Variants in GPLD1 observed in about 807,000 individuals in gnomAD.
The protein encoded by GPLD1 is glycosylphosphatidylinositol specific phospholipase D1.
In GPLD1, 84 loss-of-function variants were observed where a neutral mutation model predicts 112.6. The ratio of observed to expected loss-of-function variants is 0.75; its 90% CI spans 0.63 to 0.89. The LOEUF is 0.89. GPLD1 is among the 40% of genes least tolerant of loss of function. The pLI, the probability that GPLD1 is intolerant of heterozygous loss-of-function variation, is 0.00. For synonymous variants in GPLD1, 386 were observed against 403.8 expected, an observed-to-expected ratio of 0.96 and a Z score of 0.53; for missense variants, 1,044 against 1,051.5, an observed-to-expected ratio of 0.99 and a Z score of 0.10.
chr6:24,464,731 TCC>T (rs1210701183), intron 10 of GPLD1, among the ~76,000 whole-genome samples: 1 of 152,188 alleles, frequency 6.6e-6, no homozygotes, highest in African/African-American at 2.4e-5. Context: ...CAGGCACAGG[TCC>T]CGCCCAGAGA....
intron 3 of GPLD1, among the ~76,000 whole-genome samples, chr6:24,479,022 T>C (rs745493063): frequency 4.6e-5 from 7 of 152,068 alleles, no homozygotes; most frequent in Non-Finnish European, 8.8e-5. Context: ...ATTGCCTAAA[T>C]CCAAAGGGCA....
chr6:24,456,658 TAG>T (rs750550755), intron 12 of GPLD1, 21 bp from the exon 13 acceptor site: 1 of 1,561,020 alleles, frequency 6.4e-7, no homozygotes, highest in Non-Finnish European at 8.8e-7. Flanking sequence ...AGAATCATTA[TAG>T]ACAGTAAAGA....
intron 10 of GPLD1, among the ~76,000 whole-genome samples, chr6:24,463,057 G>A (rs915709092): frequency 4.6e-5 from 7 of 152,128 alleles, no homozygotes; most frequent in African/African-American, 1.7e-4. Flanking sequence ...TCCACCTGCT[G>A]AGCTGTTCCA....
At position 24,427,323 on chromosome 6, in the gene GPLD1, G is replaced by C. The variant is rs74806129; in HGVS notation, c.*1709C>G. 0.12 allele frequency among the ~76,000 whole-genome samples: 18,653 copies of C among 152,158 alleles called. 1,469 individuals carry two copies. Among genetic ancestry groups the C allele is most frequent in the East Asian group, 0.16 (816 of 5,180 alleles). ...TTTCCTCTCCGGCCCTTACAGTAGC[G>C]TGTGGCTCAGGCCACATCTTTTCCC... On this transcript the variant is annotated 3_prime_UTR_variant, in exon 25 of 25. Coordinates refer to ENST00000230036, the MANE Select transcript of GPLD1 (RefSeq NM_001503.4).
At chr6:24,453,667 ATACT>A (rs150364273) in intron 14 of GPLD1, among the ~76,000 whole-genome samples, 2,331 of 149,492 alleles carry the variant, frequency 0.016, 32 homozygotes, top group South Asian at 0.051. Flanking sequence ...TTAAAATAAA[ATACT>A]TACAAAGTTT....
At chr6:24,451,120 A>G (rs373069093) in intron 14 of GPLD1, among the ~76,000 whole-genome samples, 1 of 152,370 alleles carries the variant, frequency 6.6e-6, no homozygotes, top group East Asian at 1.9e-4. Context: ...TCAGTGCAGA[A>G]AGTCCTGTAG....
At chr6:24,445,889 T>C (rs1581742195) in intron 18 of GPLD1, 58 bp from the exon 19 acceptor site, 1 of 1,229,948 alleles carries the variant, frequency 8.1e-7, no homozygotes, top group Non-Finnish European at 1.2e-6. Flanking sequence ...GCTGGCCAGG[T>C]ACTCAGGAGC....
At chr6:24,468,921 C>T (rs1275353642) in intron 7 of GPLD1, among the ~76,000 whole-genome samples, 1 of 152,166 alleles carries the variant, frequency 6.6e-6, no homozygotes, top group East Asian at 1.9e-4. Context: ...ATGGGTGTGT[C>T]CTTAATCTTG....
chr6:24,462,849 AT>A, intron 10 of GPLD1, 54 bp from the exon 11 acceptor site: 1 of 1,294,786 alleles, frequency 7.7e-7, no homozygotes, highest in Non-Finnish European at 1.1e-6. Flanking sequence ...ACAAGCATGA[AT>A]TTTACCGAGA....
At chr6:24,493,260 G>A (rs1401730701), upstream of GPLD1, among the ~76,000 whole-genome samples, 2 of 152,150 alleles carry the variant, frequency 1.3e-5, no homozygotes, top group Non-Finnish European at 2.9e-5. Context: ...CGGATAACTT[G>A]AGGTCAGGCA....
intron 22 of GPLD1, 66 bp downstream of exon 22, chr6:24,436,510 G>T (rs1328641163): frequency 1.4e-6 from 2 of 1,386,970 alleles, no homozygotes; most frequent in Non-Finnish European, 2.0e-6. Context: ...GTGGACATGA[G>T]TTAACAAGGA....
rs114131701 is a variant in GPLD1, at chr6:24,438,713, G to C, written c.2021-1424C>G. 9.3e-3 allele frequency among the ~76,000 whole-genome samples: 1,415 copies of C among 152,246 alleles called. 4 individuals are homozygous for C. The highest frequency in any genetic ancestry group is 0.017 in the African/African-American group (688 of 41,558). Reference sequence around the variant, plus strand: ...TGTCTCCTAAGAGAACAATGTGCCAGCACAACAGTTAATATTCAGAGTGAA... The same window carrying C: ...TGTCTCCTAAGAGAACAATGTGCCACCACAACAGTTAATATTCAGAGTGAA... On this transcript the variant is annotated intron_variant, in intron 20 of 24. Transcript: ENST00000230036.
At chr6:24,484,370 C>G (rs1380405440) in intron 2 of GPLD1, among the ~76,000 whole-genome samples, 2 of 152,108 alleles carry the variant, frequency 1.3e-5, no homozygotes, top group African/African-American at 4.8e-5. Flanking sequence ...TGTCTGCCAC[C>G]ACGGCCAGCT....
intron 21 of GPLD1, 118 bp downstream of exon 21, chr6:24,436,995 G>T (rs142662980): frequency 1.1e-6 from 1 of 919,992 alleles, no homozygotes; most frequent in Non-Finnish European, 1.7e-6. Flanking sequence ...TCTGTCTAAA[G>T]GTCCTTGGGC....
intron 3 of GPLD1, among the ~76,000 whole-genome samples, chr6:24,477,075 C>T (rs1764046538): frequency 6.6e-6 from 1 of 151,430 alleles, no homozygotes; most frequent in African/African-American, 2.4e-5. Flanking sequence ...TGATTTGCTC[C>T]CACAGTTTTC....
intron 7 of GPLD1, among the ~76,000 whole-genome samples, chr6:24,471,854 G>C (rs1763834428): frequency 6.6e-6 from 1 of 152,070 alleles, no homozygotes; most frequent in Non-Finnish European, 1.5e-5. Context: ...TGAGTAGCTG[G>C]GACTACAGAT....
At position 24,466,954 on chromosome 6, in the gene GPLD1, A is replaced by C; in HGVS notation, c.654-15T>G. On this transcript the variant is annotated splice_polypyrimidine_tract_variant and intron_variant, in intron 8 of 24. Coordinates refer to ENST00000230036, the MANE Select transcript of GPLD1 (RefSeq NM_001503.4). Reference sequence around the variant, plus strand: ...TCTCACCATACCTGCAAAATAAACAATAATTTTGGCTGTGAGTTGCAGTTT... The same window carrying C: ...TCTCACCATACCTGCAAAATAAACACTAATTTTGGCTGTGAGTTGCAGTTT... 6.2e-7 allele frequency: 1 copy of C among 1,607,080 alleles called. No homozygotes were observed. The highest frequency in any genetic ancestry group is 1.1e-5 in the South Asian group (1 of 90,880).
At chr6:24,482,772 G>A (rs1764247540) in intron 2 of GPLD1, among the ~76,000 whole-genome samples, 1 of 149,680 alleles carries the variant, frequency 6.7e-6, no homozygotes, top group African/African-American at 2.5e-5. Flanking sequence ...CAGCCTGGGT[G>A]ACATGGCAAG....
At chr6:24,480,072 T>G (rs960680497) in intron 2 of GPLD1, 113 bp from the exon 3 acceptor site, 9 of 665,944 alleles carry the variant, frequency 1.4e-5, no homozygotes, top group African/African-American at 1.3e-4. Flanking sequence ...ATAGATGGAA[T>G]GAAAGGGAAA....
Sources: allele counts gnomAD v4.1 joint callset (sites outside exome capture counted in the v4.1 genomes callset), GRCh38; gene constraint gnomAD v4.1.1; transcripts MANE v1.5; gene names NCBI Gene and HGNC (gene_info 2026-07-23, HGNC 2026-07-21).